STK32B: variants seen among roughly 807,000 people sequenced by gnomAD.
STK32B encodes the protein serine/threonine-protein kinase 32B.
Under a neutral mutation model 52.6 loss-of-function variants are expected in STK32B, and 43 were observed. That is an observed-to-expected ratio of 0.82 (90% CI 0.64 to 1.05). The LOEUF is 1.05. Ranked by LOEUF, STK32B falls within the 50% of genes least tolerant of loss-of-function variation. The pLI, the probability that STK32B is intolerant of heterozygous loss-of-function variation, is 0.00. For synonymous variants in STK32B, 238 were observed against 204.3 expected (o/e 1.17, Z -1.41); for missense variants, 621 against 534.6 (o/e 1.16, Z -1.59).
intron 3 of STK32B, among the ~76,000 whole-genome samples, chr4:5,184,695 A>AAGAAGAAG (rs1553846539): frequency 0.024 from 3,269 of 137,520 alleles, 140 homozygotes; most frequent in African/African-American, 0.083. Context: ...AAAAAAAAAA[A>AAGAAGAAG]AAGAAGAAGA....
intron 3 of STK32B, among the ~76,000 whole-genome samples, chr4:5,243,121 G>A (rs985619849): frequency 2.6e-4 from 40 of 151,882 alleles, no homozygotes; most frequent in East Asian, 7.7e-4. Flanking sequence ...GAAGAAAGTC[G>A]TTGGTAGCTT....
chr4:5,391,558 G>C (rs1454424112), intron 4 of STK32B, among the ~76,000 whole-genome samples: 1 of 152,168 alleles, frequency 6.6e-6, no homozygotes, highest in Non-Finnish European at 1.5e-5. Context: ...AGTTCAGTAG[G>C]GAAAAGGATG....
intron 3 of STK32B, among the ~76,000 whole-genome samples, chr4:5,220,741 T>G (rs1723477420): frequency 1.3e-5 from 2 of 152,090 alleles, no homozygotes; most frequent in African/African-American, 4.8e-5. Flanking sequence ...TAGCTAGCTC[T>G]CCATGGCAGC....
intron 3 of STK32B, among the ~76,000 whole-genome samples, chr4:5,312,529 C>T (rs941480676): frequency 4.0e-5 from 6 of 151,532 alleles, no homozygotes; most frequent in Non-Finnish European, 7.4e-5. Flanking sequence ...TGAGTGAGAA[C>T]ATGCGTGTTT....
intron 8 of STK32B, among the ~76,000 whole-genome samples, chr4:5,457,965 G>A (rs1046741698): frequency 1.3e-5 from 2 of 151,430 alleles, no homozygotes; most frequent in South Asian, 4.2e-4. Context: ...GGAAGGAAAG[G>A]AAAGAAGGAA....
chr4:5,086,784 A>T (rs1379749943), intron 1 of STK32B, among the ~76,000 whole-genome samples: 1 of 152,244 alleles, frequency 6.6e-6, no homozygotes. Flanking sequence ...AGGCAGTGAG[A>T]TGACATACTC....
rs540109276 is a variant in STK32B, at chr4:5,146,793, T to C, written c.108+6833T>C. ...CATTTGACCTATTTGTTGATCCTTA[T>C]GCAAGTACTAGTCTGTCTTAATTAC... On this transcript the variant is annotated intron_variant, in intron 2 of 11. Transcript: ENST00000282908. 3.9e-5 allele frequency among the ~76,000 whole-genome samples: 6 copies of C among 152,374 alleles called. No individual in the cohort carries two copies. The East Asian group carries it at 5.8e-4, about 15-fold the overall frequency.
At chr4:5,243,858 T>G (rs960905472) in intron 3 of STK32B, among the ~76,000 whole-genome samples, 1 of 152,188 alleles carries the variant, frequency 6.6e-6, no homozygotes, top group Non-Finnish European at 1.5e-5. Flanking sequence ...TGTCTTTGGT[T>G]CTGTTTATAT....
At chr4:5,148,614 T>C (rs989780266) in intron 2 of STK32B, among the ~76,000 whole-genome samples, 1 of 151,814 alleles carries the variant, frequency 6.6e-6, no homozygotes, top group African/African-American at 2.4e-5. Context: ...TTTCAATTCA[T>C]TTGTATTAAT....
intron 1 of STK32B, among the ~76,000 whole-genome samples, chr4:5,133,517 A>C (rs1305046113): frequency 1.3e-5 from 2 of 151,968 alleles, no homozygotes; most frequent in Non-Finnish European, 2.9e-5. Flanking sequence ...TTAACACAGC[A>C]CTACCTGCCT....
chr4:5,344,562 C>T (rs1387845989), intron 4 of STK32B, among the ~76,000 whole-genome samples: 1 of 152,118 alleles, frequency 6.6e-6, no homozygotes, highest in East Asian at 1.9e-4. Context: ...TTGCTGATTC[C>T]AGTCTTGGGA....
chr4:5,325,344 A>G lies in STK32B; in HGVS notation c.261-5876A>G, dbSNP rs1055555682. 2.0e-5 allele frequency among the ~76,000 whole-genome samples: 3 copies of G among 151,682 alleles called. 1 individual carries two copies. Among genetic ancestry groups the G allele is most frequent in the Non-Finnish European group, 4.4e-5 (3 of 67,958 alleles). On this transcript the variant is annotated intron_variant, in intron 3 of 11. Coordinates refer to ENST00000282908, the MANE Select transcript of STK32B (RefSeq NM_018401.3). ...CTAAACAATTGTTTTTTTTTTCCAC[A>G]TCAGCTCTGAATCATGTAGCTGATC... is the stretch of plus-strand genomic sequence containing the variant.
chr4:5,352,720 T>C (rs1030565139), intron 4 of STK32B, among the ~76,000 whole-genome samples: 4 of 139,376 alleles, frequency 2.9e-5, no homozygotes, highest in Non-Finnish European at 6.0e-5. Context: ...ACCAAAATAC[T>C]CTTAGATCTG....
chr4:5,192,280 G>T (rs143169671), intron 3 of STK32B, among the ~76,000 whole-genome samples: 79 of 152,272 alleles, frequency 5.2e-4, no homozygotes, highest in Non-Finnish European at 9.1e-4. Context: ...CAAGACCCCC[G>T]CTGTGTACAA....
intron 3 of STK32B, among the ~76,000 whole-genome samples, chr4:5,282,135 T>A (rs1728239745): frequency 6.6e-6 from 1 of 152,196 alleles, no homozygotes; most frequent in African/African-American, 2.4e-5. Flanking sequence ...TTAGTTAGTA[T>A]AAAGTAGTCC....
At position 5,470,917 on chromosome 4, in the gene STK32B, G is replaced by A. The variant is rs183484794; in HGVS notation, c.1106+2847G>A. 3.3e-5 allele frequency among the ~76,000 whole-genome samples: 5 copies of A among 152,212 alleles called. No homozygotes were observed. The highest frequency in any genetic ancestry group is 2.0e-4 in the Admixed American group (3 of 15,288). The stretch of plus-strand genomic sequence containing the variant: ...GTAGTGAGTCGAGGGCTGGTCAGGG[G>A]GAGCCAAGCATCAAGCCAGGCTTGT... On this transcript the variant is annotated intron_variant, in intron 11 of 11. Transcript: ENST00000282908. This position sits in a 1 kb window ranked among gnomAD's most constrained non-coding sequence, Gnocchi z 4.6.
the STK32B span, among the ~76,000 whole-genome samples, chr4:5,033,075 A>G: frequency 6.6e-6 from 1 of 152,108 alleles, no homozygotes; most frequent in Non-Finnish European, 1.5e-5. Flanking sequence ...GAGATTTGCT[A>G]TTATTATTTA....
chr4:5,125,603 G>C (rs1432962125), intron 1 of STK32B, among the ~76,000 whole-genome samples: 1 of 152,200 alleles, frequency 6.6e-6, no homozygotes, highest in Non-Finnish European at 1.5e-5. Flanking sequence ...TGCACCCACT[G>C]TTGGCTTTTG....
At chr4:5,326,899 A>C (rs1045920268) in intron 3 of STK32B, among the ~76,000 whole-genome samples, 1 of 152,252 alleles carries the variant, frequency 6.6e-6, no homozygotes, top group East Asian at 1.9e-4. Context: ...TTTTGCCCAC[A>C]GTAGAACTTC....
Sources: allele counts gnomAD v4.1 joint callset (sites outside exome capture counted in the v4.1 genomes callset), GRCh38; gene constraint gnomAD v4.1.1; non-coding constraint Gnocchi (gnomAD v3.1); transcripts MANE v1.5; gene names NCBI Gene and HGNC (gene_info 2026-07-23, HGNC 2026-07-21).